Variants in VPS50 observed in about 807,000 individuals in gnomAD.
VPS50 encodes VPS50 subunit of EARP/GARPII complex, also known as syndetin.
Under a neutral mutation model 139.7 loss-of-function variants are expected in VPS50, and 70 were observed. That is an observed-to-expected ratio of 0.50 (90% CI 0.41 to 0.61). VPS50 has a LOEUF of 0.61. VPS50 is among the 20% of genes least tolerant of loss of function. VPS50 has a pLI of 0.00. For synonymous variants in VPS50, 365 were observed against 376.7 expected, an observed-to-expected ratio of 0.97 and a Z score of 0.36; for missense variants, 921 against 1,133.7, an observed-to-expected ratio of 0.81 and a Z score of 2.69.
At chr7:93,275,982 A>T in intron 11 of VPS50, 183 bp from the exon 12 acceptor site, 3 of 552,996 alleles carry the variant, frequency 5.4e-6, no homozygotes, top group Non-Finnish European at 9.5e-6. Context: ...TAATCTGGTT[A>T]TGTGAAGGAT....
chr7:93,320,127 T>TA (rs1797558883), intron 20 of VPS50, among the ~76,000 whole-genome samples: 1 of 152,068 alleles, frequency 6.6e-6, no homozygotes, highest in East Asian at 1.9e-4. Flanking sequence ...TTCTTGTGAG[T>TA]AATTAGAACT....
At chr7:93,263,142 C>T in intron 9 of VPS50, among the ~76,000 whole-genome samples, 1 of 151,980 alleles carries the variant, frequency 6.6e-6, no homozygotes, top group East Asian at 1.9e-4. Flanking sequence ...CCTACTCATA[C>T]AGGATTCATC....
rs66742268 is a variant in VPS50, at chr7:93,357,887, GA to G, written c.2776-429del. Among the ~76,000 whole-genome samples, 1,321 of 152,002 alleles carry G rather than the reference GA, an allele frequency of 8.7e-3. 18 individuals carry two copies. The highest frequency in any genetic ancestry group is 0.03 in the African/African-American group (1,253 of 41,420). ...GAAGAGTTGTTCTTCTGTTGTTGGAGATTTTTTTTTTAACTAAAGTGTTTAC... is the reference window on the plus strand; with the variant it reads ...GAAGAGTTGTTCTTCTGTTGTTGGAGTTTTTTTTTTAACTAAAGTGTTTAC... On this transcript the variant is annotated intron_variant, in intron 27 of 27. Transcript: ENST00000305866.
intron 12 of VPS50, among the ~76,000 whole-genome samples, chr7:93,283,530 C>T (rs1272163970): frequency 6.6e-6 from 1 of 152,162 alleles, no homozygotes; most frequent in Non-Finnish European, 1.5e-5. Context: ...GCCACCGCGC[C>T]TGGCCTACTG....
chr7:93,250,092 T>C (rs1477625664), intron 2 of VPS50, among the ~76,000 whole-genome samples: 2 of 152,080 alleles, frequency 1.3e-5, no homozygotes, highest in African/African-American at 4.8e-5. Flanking sequence ...TCTCGGTGTA[T>C]TTTATGAGTT....
At chr7:93,326,622 T>C (rs1358688480) in intron 21 of VPS50, among the ~76,000 whole-genome samples, 2 of 151,930 alleles carry the variant, frequency 1.3e-5, no homozygotes, top group Admixed American at 6.6e-5. Flanking sequence ...AAAGCTCTTA[T>C]TGAGTATATC....
chr7:93,287,552 A>G (rs892002516), intron 12 of VPS50, among the ~76,000 whole-genome samples: 2 of 152,232 alleles, frequency 1.3e-5, no homozygotes, highest in Middle Eastern at 3.4e-3. Flanking sequence ...GAAATTAATT[A>G]TAACACAATT....
intron 6 of VPS50, 41 bp from the exon 7 acceptor site, chr7:93,258,116 TTA>T: frequency 1.3e-6 from 1 of 792,804 alleles, no homozygotes. Flanking sequence ...AGTATTCTTA[TTA>T]TAATAAAAAA....
At chr7:93,248,727 A>C (rs1183899058) in intron 2 of VPS50, among the ~76,000 whole-genome samples, 2 of 152,164 alleles carry the variant, frequency 1.3e-5, no homozygotes, top group African/African-American at 2.4e-5. Context: ...GTTCTCAAGA[A>C]GTGTACAGTC....
intron 5 of VPS50, 68 bp downstream of exon 5, chr7:93,256,630 G>A: frequency 1.2e-6 from 1 of 817,632 alleles, no homozygotes; most frequent in Non-Finnish European, 1.9e-6. Flanking sequence ...ACTTGAAACT[G>A]TTAAAATATT....
At chr7:93,355,805 T>C in intron 26 of VPS50, 86 bp from the exon 27 acceptor site, 2 of 681,590 alleles carry the variant, frequency 2.9e-6, no homozygotes, top group East Asian at 2.8e-5. Flanking sequence ...TGTCCAAATA[T>C]AGGTTAGAGA....
chr7:93,259,331 G>A, intron 8 of VPS50: 1 of 371,318 alleles, frequency 2.7e-6, no homozygotes. Flanking sequence ...TACTTTGAAG[G>A]AATAGAATAT....
At chr7:93,239,720 G>T (rs1403182112) in intron 1 of VPS50, 146 bp from the exon 2 acceptor site, 1 of 511,384 alleles carries the variant, frequency 2.0e-6, no homozygotes. Context: ...ATTAAATGAT[G>T]ATTGCTTTTA....
chr7:93,325,701 C>T (rs1366905772), intron 21 of VPS50, among the ~76,000 whole-genome samples: 1 of 152,012 alleles, frequency 6.6e-6, no homozygotes, highest in Non-Finnish European at 1.5e-5. Context: ...AAAAAATGCT[C>T]ACCATCACTG....
At chr7:93,333,890 T>C (rs1362214472) in intron 21 of VPS50, 2 of 438,682 alleles carry the variant, frequency 4.6e-6, no homozygotes, top group Non-Finnish European at 8.1e-6. Flanking sequence ...ATTCTTAAGA[T>C]TGATAGATGT....
chr7:93,307,823 T>A (rs1339769322), intron 18 of VPS50, among the ~76,000 whole-genome samples: 1 of 151,908 alleles, frequency 6.6e-6, no homozygotes, highest in Non-Finnish European at 1.5e-5. Context: ...AGGTGCAACT[T>A]ATGTCCTTGA....
intron 21 of VPS50, among the ~76,000 whole-genome samples, chr7:93,333,068 T>C (rs998347448): frequency 1.3e-4 from 20 of 152,134 alleles, no homozygotes; most frequent in African/African-American, 4.8e-4. Flanking sequence ...TCAAACTGTA[T>C]ACTTAAAAGG....
chr7:93,259,725 T>TA lies in VPS50; in HGVS notation c.659+96dup, dbSNP rs1399681910. The TA allele has an allele frequency of 1.1e-5, 7 of 664,296 alleles. No individual in the cohort carries two copies. The African/African-American group carries it at 1.3e-4, about 12-fold the overall frequency. The allele number at this position is 664,296 out of a possible 1,614,324, so 41.2% of individuals were successfully genotyped here. A position where few individuals can be genotyped will look rare whatever the true frequency, so the allele number is the denominator to read the frequency against. The stretch of plus-strand genomic sequence containing the variant: ...TGTTAATAAACATTGAAAATTAGTA[T>TA]AAAGTGTTGTGTTCTAGTTTAACAT... On this transcript the variant is annotated intron_variant, in intron 9 of 27. Coordinates refer to ENST00000305866, the MANE Select transcript of VPS50 (RefSeq NM_017667.4).
chr7:93,256,413 C>A, intron 4 of VPS50, 96 bp from the exon 5 acceptor site: 1 of 578,884 alleles, frequency 1.7e-6, no homozygotes, highest in East Asian at 3.4e-5. Context: ...TTGGGGAGAT[C>A]TATGGAATAT....
Sources: gnomAD v4.1 joint callset for allele counts (sites outside exome capture counted in the v4.1 genomes callset) on GRCh38, gnomAD v4.1.1 for gene constraint, MANE v1.5 for transcripts, NCBI Gene and HGNC (gene_info 2026-07-23, HGNC 2026-07-21) for gene names.